APLP2: variants seen among roughly 807,000 people sequenced by gnomAD.
APLP2 encodes the protein amyloid beta precursor like protein 2.
Under a neutral mutation model 89.9 loss-of-function variants are expected in APLP2, and 53 were observed. The observed-to-expected ratio is 0.59, with a 90% CI of 0.47 to 0.74. The LOEUF is 0.74. Ranked by LOEUF, APLP2 falls within the 30% of genes least tolerant of loss-of-function variation. APLP2 has a pLI of 0.00. For missense variants in APLP2, 973 were observed against 975.9 expected (o/e 1.00, Z 0.04); for synonymous variants, 372 against 348.6 (o/e 1.07, Z -0.75).
chr11:130,095,717 G>GT (rs1946105270), intron 1 of APLP2, among the ~76,000 whole-genome samples: 1 of 152,198 alleles, frequency 6.6e-6, no homozygotes, highest in Non-Finnish European at 1.5e-5. Flanking sequence ...TCTTGCATAA[G>GT]TTTTTTTGTC....
chr11:130,135,678 C>T lies in APLP2; in HGVS notation c.1800C>T (p.His600=). ...SEESEEIPPF[H]PFHPFPALPE... is the part of the protein sequence containing the mutation. ...AGAGTGAGGAGATCCCACCGTTCCA[C>T]CCCTTCCACCCCTTCCCAGCCCTAC... is the stretch of plus-strand genomic sequence containing the variant. The change falls in exon 13 of 17, where the codon CAC becomes CAT. Residue 600 remains histidine (H), a synonymous_variant. Coordinates refer to ENST00000338167, the MANE Select transcript of APLP2 (RefSeq NM_001142276.2). 1 of 1,612,654 alleles carries T rather than the reference C, an allele frequency of 6.2e-7. No individual in the cohort carries two copies. The highest frequency in any genetic ancestry group is 2.2e-5 in the East Asian group (1 of 44,894).
Position 130,110,571 on chromosome 11 carries a change from G to T in APLP2, c.313G>T (p.Glu105Ter). Reference sequence around the variant, plus strand: ...AGAGCTACAGATCACAAATGTGATGGAGGCAAACCAGCGGGTTAGTATTGA... The same window carrying T: ...AGAGCTACAGATCACAAATGTGATGTAGGCAAACCAGCGGGTTAGTATTGA... ...YPELQITNVMEANQRVSIDNW... is the reference protein window; with the variant it reads ...YPELQITNVM Residue 105 changes from glutamate to a stop codon, truncating the protein, a stop_gained, in exon 3 of 17, where the codon GAG (glutamate) becomes TAG (stop). Transcript: ENST00000338167. LOFTEE classifies it high-confidence loss of function. The T allele has an allele frequency of 1.9e-6, 3 of 1,613,950 alleles. No homozygotes were observed. Among genetic ancestry groups the T allele is most frequent in the Non-Finnish European group, 2.5e-6 (3 of 1,179,972 alleles).
In APLP2 at chr11:130,130,065, C is replaced by T. The variant is rs147891906; in HGVS notation, c.1483C>T (p.Arg495Cys). The change falls in exon 11 of 17, where the codon CGT becomes TGT. Residue 495 changes from arginine to cysteine, a missense_variant. Transcript: ENST00000338167. ...RPHRILQALRRYVRAENKDRL... is the reference protein window; with the variant it reads ...RPHRILQALRCYVRAENKDRL... Reference sequence around the variant, plus strand: ...TCATCGCATTCTCCAGGCCTTACGGCGTTATGTCCGTGCTGAGAACAAAGA... The same window carrying T: ...TCATCGCATTCTCCAGGCCTTACGGTGTTATGTCCGTGCTGAGAACAAAGA... The T allele has an allele frequency of 1.4e-5, 22 of 1,614,086 alleles. No homozygotes were observed. Among genetic ancestry groups the T allele is most frequent in the African/African-American group, 1.1e-4 (8 of 74,946 alleles).
chr11:130,112,558 T>G (rs1948721972), intron 3 of APLP2, among the ~76,000 whole-genome samples: 2 of 152,118 alleles, frequency 1.3e-5, no homozygotes, highest in South Asian at 4.1e-4. Flanking sequence ...TGTGAAAAAG[T>G]TCCTAAGACA....
At chr11:130,110,483 A>G (rs977538138) in intron 2 of APLP2, 55 bp from the exon 3 acceptor site, 2 of 1,596,882 alleles carry the variant, frequency 1.3e-6, no homozygotes, top group African/African-American at 2.7e-5. Context: ...CTTACTTGCA[A>G]GTGTGTGTCT....
chr11:130,116,917 A>G (rs750546325), intron 3 of APLP2, among the ~76,000 whole-genome samples: 10 of 152,100 alleles, frequency 6.6e-5, no homozygotes, highest in Non-Finnish European at 1.2e-4. Context: ...ATCATTTGAG[A>G]TCAGGAGTTC....
At chr11:130,074,520 A>G (rs1429285773) in intron 1 of APLP2, among the ~76,000 whole-genome samples, 1 of 152,158 alleles carries the variant, frequency 6.6e-6, no homozygotes, top group Non-Finnish European at 1.5e-5. Context: ...GGCCCCTTTC[A>G]AGATTGTTTA....
At chr11:130,080,033 T>G (rs749816011) in intron 1 of APLP2, among the ~76,000 whole-genome samples, 4 of 152,242 alleles carry the variant, frequency 2.6e-5, no homozygotes, top group Non-Finnish European at 5.9e-5. Context: ...ATTCCTGAAA[T>G]GAACCAAACT....
chr11:130,141,287 C>A lies in APLP2; in HGVS notation c.1924-211C>A. On this transcript the variant is annotated intron_variant, in intron 14 of 16. Transcript: ENST00000338167. The surrounding 1 kb of genome is among the most constrained non-coding windows in gnomAD (Gnocchi z 4.2). ...AGGAAAATGCATACGGGACCAGCTG[C>A]CATAATATAGTCTTCCCTCCATACC... 3 of 562,192 alleles carry A rather than the reference C, an allele frequency of 5.3e-6. No individual in the cohort carries two copies. The highest frequency in any genetic ancestry group is 9.5e-6 in the Non-Finnish European group (3 of 314,950). 34.8% of individuals were successfully genotyped at this position (562,192 alleles called of 1,614,324 possible). A position where few individuals can be genotyped will look rare whatever the true frequency, so the allele number is the denominator to read the frequency against.
At chr11:130,120,679 C>G (rs140196725) in intron 3 of APLP2, 27 bp from the exon 4 acceptor site, 12 of 1,526,786 alleles carry the variant, frequency 7.9e-6, no homozygotes, top group Non-Finnish European at 2.7e-6. Flanking sequence ...TGGTCAGATC[C>G]GCTCTGACAA....
intron 1 of APLP2, among the ~76,000 whole-genome samples, chr11:130,106,279 T>C (rs1489650755): frequency 1.3e-5 from 2 of 152,172 alleles, no homozygotes; most frequent in African/African-American, 2.4e-5. Flanking sequence ...ATATCAGTTA[T>C]CACACCTAGG....
intron 1 of APLP2, among the ~76,000 whole-genome samples, chr11:130,073,195 A>G (rs944120011): frequency 2.6e-5 from 4 of 152,236 alleles, no homozygotes; most frequent in African/African-American, 9.6e-5. Flanking sequence ...AATACAGAAG[A>G]ATTAAAATCT....
chr11:130,075,858 C>T (rs1942034507), intron 1 of APLP2, among the ~76,000 whole-genome samples: 1 of 152,136 alleles, frequency 6.6e-6, no homozygotes, highest in Admixed American at 6.5e-5. Context: ...ACCTGTCTTT[C>T]CCATTACCAA....
chr11:130,106,614 A>G (rs1236598399), intron 1 of APLP2, among the ~76,000 whole-genome samples: 6 of 152,020 alleles, frequency 3.9e-5, no homozygotes, highest in African/African-American at 9.7e-5. Flanking sequence ...TCCATATGGG[A>G]TGCTTAAAGC....
At position 130,092,723 on chromosome 11, in the gene APLP2, G is replaced by GGA. The variant is rs1555132390; in HGVS notation, c.106-16705_106-16704insAG. Among the ~76,000 whole-genome samples, 203 of 119,324 alleles carry GGA rather than the reference G, an allele frequency of 1.7e-3. 3 individuals are homozygous for GGA. The highest frequency in any genetic ancestry group is 7.6e-3 in the Middle Eastern group (2 of 262). The allele number at this position is 119,324 out of a possible 152,430, so 78.3% of individuals were successfully genotyped here. A position where few individuals can be genotyped will look rare whatever the true frequency, so the allele number is the denominator to read the frequency against. The stretch of plus-strand genomic sequence containing the variant: ...GTGGGGGGAGGGAGGGGGAGGGGGA[G>GGA]GGAGAGGGAGCTCTGTCTTGATGAT... On this transcript the variant is annotated intron_variant, in intron 1 of 16. Coordinates refer to ENST00000338167, the MANE Select transcript of APLP2 (RefSeq NM_001142276.2).
chr11:130,131,451 G>GAAC (rs1950930225), intron 11 of APLP2, among the ~76,000 whole-genome samples: 1 of 152,094 alleles, frequency 6.6e-6, no homozygotes, highest in Non-Finnish European at 1.5e-5. Context: ...TGGTTGTTTT[G>GAAC]GGGAATAAAA....
intron 1 of APLP2, chr11:130,109,218 GT>G: frequency 2.6e-6 from 1 of 379,794 alleles, no homozygotes. Flanking sequence ...AAATAAAAAA[GT>G]TTTTTCCTTT....
At chr11:130,142,773 C>A (rs1036950223) in intron 16 of APLP2, among the ~76,000 whole-genome samples, 4 of 151,968 alleles carry the variant, frequency 2.6e-5, no homozygotes, top group African/African-American at 9.7e-5. Context: ...GCCACCACGC[C>A]CAGCTAGTCT....
chr11:130,143,324 A>C, intron 16 of APLP2, 23 bp from the exon 17 acceptor site: 1 of 1,607,026 alleles, frequency 6.2e-7, no homozygotes, highest in Non-Finnish European at 8.5e-7. Context: ...CACCACAATG[A>C]CCCTCAGGTT....
Sources: allele counts gnomAD v4.1 joint callset (sites outside exome capture counted in the v4.1 genomes callset), GRCh38; gene constraint gnomAD v4.1.1; non-coding constraint Gnocchi (gnomAD v3.1); transcripts MANE v1.5; gene names NCBI Gene and HGNC (gene_info 2026-07-23, HGNC 2026-07-21).